Variants in AK9 observed in about 807,000 individuals in gnomAD.
AK9 encodes the protein adenylate kinase domain containing 1.
A neutral mutation model predicts 239.6 loss-of-function variants in AK9; 191 were observed. That is an observed-to-expected ratio of 0.80 (90% CI 0.71 to 0.90). AK9 has a LOEUF of 0.90. AK9 is among the 40% of genes least tolerant of loss of function. The pLI, the probability that AK9 is intolerant of heterozygous loss-of-function variation, is 0.00. For missense variants in AK9, 1,995 were observed against 2,214.7 expected, an observed-to-expected ratio of 0.90 and a Z score of 1.99; for synonymous variants, 689 against 721.0, an observed-to-expected ratio of 0.96 and a Z score of 0.71.
At chr6:109,578,922 C>T (rs763732194) in intron 20 of AK9, among the ~76,000 whole-genome samples, 13 of 152,082 alleles carry the variant, frequency 8.5e-5, no homozygotes, top group Non-Finnish European at 1.3e-4. Flanking sequence ...TTCTTAAATT[C>T]GCTGAGACCT....
intron 20 of AK9, among the ~76,000 whole-genome samples, chr6:109,576,420 CTTTTT>C (rs3060763): frequency 1.9e-5 from 2 of 103,478 alleles, no homozygotes; most frequent in African/African-American, 3.3e-5. Context: ...CATATATATA[CTTTTT>C]TTTTTTTTTT....
intron 8 of AK9, among the ~76,000 whole-genome samples, chr6:109,645,288 G>A (rs998294272): frequency 6.6e-6 from 1 of 152,176 alleles, no homozygotes; most frequent in Admixed American, 6.5e-5. Context: ...GGGGTGGGGG[G>A]ATTTCGCTTT....
chr6:109,661,109 G>C (rs1268031206), intron 6 of AK9, among the ~76,000 whole-genome samples: 1 of 152,068 alleles, frequency 6.6e-6, no homozygotes, highest in Non-Finnish European at 1.5e-5. Context: ...CCCCAATAAG[G>C]ACAAACTATC....
At chr6:109,651,659 T>C (rs1798966212) in intron 8 of AK9, among the ~76,000 whole-genome samples, 1 of 151,652 alleles carries the variant, frequency 6.6e-6, no homozygotes, top group South Asian at 2.1e-4. Context: ...TCAACAAAAT[T>C]GATAGACCAC....
intron 8 of AK9, among the ~76,000 whole-genome samples, chr6:109,645,498 G>T (rs556798563): frequency 2.2e-4 from 33 of 152,308 alleles, no homozygotes; most frequent in African/African-American, 7.7e-4. Context: ...CAGCAGCCAG[G>T]CTGGGCGAGG....
At chr6:109,606,042 T>C (rs1792830976) in intron 17 of AK9, among the ~76,000 whole-genome samples, 1 of 152,106 alleles carries the variant, frequency 6.6e-6, no homozygotes, top group African/African-American at 2.4e-5. Context: ...GAGAGAATCA[T>C]GGAAATCAAA....
rs1788564473 is a variant in AK9 at position 109,579,622 on chromosome 6, C to T, written c.2119G>A (p.Ala707Thr). 6.4e-7 allele frequency: 1 copy of T among 1,550,396 alleles called. No homozygotes were observed. Among genetic ancestry groups the T allele is most frequent in the South Asian group, 1.2e-5 (1 of 83,830 alleles). Reference protein sequence around the residue: ...KKKEEEEARKATEEELRLEEE... With the variant: ...KKKEEEEARKTTEEELRLEEE... ...TCGAGTCTCAATTCCTCTTCTGTGGCTTTTCTGAAATGAAAAGGTTCAAAT... is the reference window on the plus strand; with the variant it reads ...TCGAGTCTCAATTCCTCTTCTGTGGTTTTTCTGAAATGAAAAGGTTCAAAT... The change falls in exon 20 of 41, where the codon GCC becomes ACC. Residue 707 changes from alanine to threonine, a missense_variant. Transcript: ENST00000424296.
intron 6 of AK9, among the ~76,000 whole-genome samples, chr6:109,661,637 G>A (rs1800425571): frequency 6.6e-6 from 1 of 152,174 alleles, no homozygotes. Context: ...GCCATGAGTG[G>A]TGGCTGGGGC....
chr6:109,540,682 C>T (rs1179066410), intron 27 of AK9, among the ~76,000 whole-genome samples: 1 of 152,170 alleles, frequency 6.6e-6, no homozygotes, highest in African/African-American at 2.4e-5. Flanking sequence ...AATCACCTGT[C>T]CTCTCCGTCG....
intron 21 of AK9, among the ~76,000 whole-genome samples, 184 bp from the exon 22 acceptor site, chr6:109,565,029 G>C (rs1322205911): frequency 4.6e-5 from 7 of 152,090 alleles, no homozygotes; most frequent in African/African-American, 1.4e-4. Context: ...AGAAAATAAA[G>C]AATATTCTTA....
At chr6:109,564,719 CT>C in intron 22 of AK9, 36 bp downstream of exon 22, 2 of 1,450,744 alleles carry the variant, frequency 1.4e-6, no homozygotes, top group Non-Finnish European at 1.9e-6. Context: ...ATGAAAAGTA[CT>C]TTTATGCAAG....
chr6:109,610,277 A>T, intron 17 of AK9, 88 bp downstream of exon 17: 3 of 1,428,356 alleles, frequency 2.1e-6, no homozygotes, highest in Non-Finnish European at 2.8e-6. Flanking sequence ...ACATCATAAG[A>T]CTCTAAAATA....
chr6:109,544,640 A>G (rs1470991863), intron 26 of AK9, among the ~76,000 whole-genome samples: 1 of 152,218 alleles, frequency 6.6e-6, no homozygotes, highest in African/African-American at 2.4e-5. Flanking sequence ...CCAGAAGCCA[A>G]GCAGATGCCA....
At chr6:109,606,371 A>G (rs985237042) in intron 17 of AK9, among the ~76,000 whole-genome samples, 2 of 152,218 alleles carry the variant, frequency 1.3e-5, no homozygotes, top group African/African-American at 2.4e-5. Context: ...ACAGAAAGAC[A>G]TAACGACAGT....
chr6:109,576,118 T>C (rs942987717), intron 20 of AK9, among the ~76,000 whole-genome samples: 1 of 152,132 alleles, frequency 6.6e-6, no homozygotes, highest in Non-Finnish European at 1.5e-5. Context: ...TGCCTATAGA[T>C]TTGTTCTTTT....
At chr6:109,657,341 A>G (rs886279236) in intron 7 of AK9, among the ~76,000 whole-genome samples, 1 of 152,190 alleles carries the variant, frequency 6.6e-6, no homozygotes, top group Non-Finnish European at 1.5e-5. Flanking sequence ...TGAGGAAGGC[A>G]GCATAAACAA....
intron 28 of AK9, among the ~76,000 whole-genome samples, chr6:109,530,687 C>T (rs1045286332): frequency 6.6e-6 from 1 of 152,192 alleles, no homozygotes; most frequent in South Asian, 2.1e-4. Context: ...GTCCTGAGCA[C>T]TATAATATAT....
intron 8 of AK9, among the ~76,000 whole-genome samples, chr6:109,649,515 T>A (rs1798595699): frequency 1.3e-5 from 2 of 151,976 alleles, no homozygotes; most frequent in African/African-American, 4.8e-5. Flanking sequence ...TACCTAGGAA[T>A]CCAACTTACA....
At chr6:109,601,843 C>G (rs1400675646) in intron 17 of AK9, among the ~76,000 whole-genome samples, 2 of 110,768 alleles carry the variant, frequency 1.8e-5, no homozygotes, top group Non-Finnish European at 3.9e-5. Flanking sequence ...ATGACCTTGT[C>G]TCTTTTGATC....
Sources: gnomAD v4.1 joint callset for allele counts (sites outside exome capture counted in the v4.1 genomes callset) on GRCh38, gnomAD v4.1.1 for gene constraint, MANE v1.5 for transcripts, NCBI Gene and HGNC (gene_info 2026-07-23, HGNC 2026-07-21) for gene names.